The following IL1RAPL1 variants were observed in gnomAD, a reference collection of about 807,000 sequenced individuals.
The protein encoded by IL1RAPL1 is interleukin 1 receptor accessory protein like 1.
A neutral mutation model predicts 48.4 loss-of-function variants in IL1RAPL1; 3 were observed. The observed-to-expected ratio is 0.06, with a 90% CI of 0.03 to 0.16. The LOEUF (loss-of-function observed/expected upper bound fraction) is 0.16. Ranked by LOEUF, IL1RAPL1 falls within the 10% of genes least tolerant of loss-of-function variation. IL1RAPL1 has a pLI of 1.00. For synonymous variants in IL1RAPL1, 185 were observed against 187.7 expected (o/e 0.99, Z 0.12); for missense variants, 349 against 530.6 (o/e 0.66, Z 3.36).
In IL1RAPL1 at chrX:29,204,217, T is replaced by C. The variant is rs138354631; in HGVS notation, c.83-78721T>C. Reference sequence around the variant, plus strand: ...ATCTCTTCAATATACTAATCGCCTTTCTTTTGGATACATTCTCAGCAGTGG... The same window carrying C: ...ATCTCTTCAATATACTAATCGCCTTCCTTTTGGATACATTCTCAGCAGTGG... On this transcript the variant is annotated intron_variant, in intron 2 of 10. Coordinates refer to ENST00000378993, the MANE Select transcript of IL1RAPL1 (RefSeq NM_014271.4). Among the ~76,000 whole-genome samples the C allele has an allele frequency of 6.2e-3, 692 of 111,912 alleles. 1 individual carries two copies. The highest frequency in any genetic ancestry group is 0.014 in the Middle Eastern group (3 of 217).
intron 1 of IL1RAPL1, among the ~76,000 whole-genome samples, chrX:28,771,671 A>G (rs985924318): frequency 1.8e-5 from 2 of 112,169 alleles, no homozygotes; most frequent in African/African-American, 6.5e-5. Flanking sequence ...CTCAGACTTG[A>G]TATTTTGAAA....
intron 6 of IL1RAPL1, among the ~76,000 whole-genome samples, chrX:29,751,980 T>TATATAC (rs1928476351): frequency 3.9e-5 from 4 of 102,915 alleles, no homozygotes; most frequent in African/African-American, 1.4e-4. Context: ...ATATCATATA[T>TATATAC]ATGTGTGTGT....
At chrX:28,894,300 G>A (rs1477725233) in intron 2 of IL1RAPL1, among the ~76,000 whole-genome samples, 1 of 112,058 alleles carries the variant, frequency 8.9e-6, no homozygotes, top group Non-Finnish European at 1.9e-5. Context: ...AATGATAGAT[G>A]TGGAAGGTAC....
At chrX:29,430,746 C>T (rs925576843) in intron 5 of IL1RAPL1, among the ~76,000 whole-genome samples, 2 of 108,998 alleles carry the variant, frequency 1.8e-5, no homozygotes, top group Non-Finnish European at 3.8e-5. Flanking sequence ...ATTTGTATTT[C>T]GTGTGTGTAT....
chrX:29,516,413 A>G (rs1935445947), intron 5 of IL1RAPL1, among the ~76,000 whole-genome samples: 1 of 111,430 alleles, frequency 9.0e-6, no homozygotes, highest in Non-Finnish European at 1.9e-5. Context: ...CCATATTGAA[A>G]CACCTTGGAG....
chrX:28,933,143 T>G (rs1456195953), intron 2 of IL1RAPL1, among the ~76,000 whole-genome samples: 2 of 112,300 alleles, frequency 1.8e-5, no homozygotes, highest in Non-Finnish European at 1.9e-5. Flanking sequence ...ATTATATCTT[T>G]ATGTATACAC....
At chrX:29,074,236 C>G (rs1188178432) in intron 2 of IL1RAPL1, among the ~76,000 whole-genome samples, 1 of 111,298 alleles carries the variant, frequency 9.0e-6, no homozygotes, top group Non-Finnish European at 1.9e-5. Flanking sequence ...ACTTATTGAA[C>G]TCAATTCTAC....
At chrX:29,113,624 A>G (rs973097592) in intron 2 of IL1RAPL1, among the ~76,000 whole-genome samples, 1 of 111,721 alleles carries the variant, frequency 9.0e-6, no homozygotes, top group African/African-American at 3.3e-5. Flanking sequence ...ATTTATTCCT[A>G]GAGATTCTGC....
chrX:28,669,057 T>G (rs1934917391), intron 1 of IL1RAPL1, among the ~76,000 whole-genome samples: 2 of 111,562 alleles, frequency 1.8e-5, no homozygotes, highest in African/African-American at 6.5e-5. Flanking sequence ...ATGTTGAACT[T>G]ATAAAAATTG....
intron 1 of IL1RAPL1, among the ~76,000 whole-genome samples, chrX:28,704,857 T>G (rs1601866265): frequency 1.1e-5 from 1 of 87,429 alleles, no homozygotes. Flanking sequence ...AAACTGTGAC[T>G]GGAGCATGAC....
rs757980901 is a variant in IL1RAPL1, at chrX:28,798,202, T to C, written c.82+8777T>C. ...ACCATATCAATGTTTATTGTAGAGA[T>C]AGCATACAGGCATTCACTGCTAGGA... is the stretch of plus-strand genomic sequence containing the variant. On this transcript the variant is annotated intron_variant, in intron 2 of 10. Coordinates refer to ENST00000378993, the MANE Select transcript of IL1RAPL1 (RefSeq NM_014271.4). Among the ~76,000 whole-genome samples, 4 of 111,376 alleles carry C rather than the reference T, an allele frequency of 3.6e-5. No individual in the cohort carries two copies. The South Asian group carries it at 1.6e-3, about 43-fold the overall frequency.
In IL1RAPL1 at chrX:29,836,408, C is replaced by G. The variant is rs1204340919; in HGVS notation, c.779-81056C>G. ...GTTTCACCATGTTGGCCAGTATGGTCTCGATCTCCTGACCTTGTCATCCGC... is the reference window on the plus strand; with the variant it reads ...GTTTCACCATGTTGGCCAGTATGGTGTCGATCTCCTGACCTTGTCATCCGC... On this transcript the variant is annotated intron_variant, in intron 6 of 10. Transcript: ENST00000378993. 3.6e-5 allele frequency among the ~76,000 whole-genome samples: 4 copies of G among 111,120 alleles called. No individual in the cohort carries two copies. In the South Asian group the frequency reaches 1.1e-3, roughly 32 times the overall value.
At chrX:29,854,916 C>A (rs1332886304) in intron 6 of IL1RAPL1, among the ~76,000 whole-genome samples, 1 of 110,857 alleles carries the variant, frequency 9.0e-6, no homozygotes, top group African/African-American at 3.3e-5. Flanking sequence ...CACACACACA[C>A]ACAAAATTAA....
At chrX:29,842,370 T>G (rs1293374162) in intron 6 of IL1RAPL1, among the ~76,000 whole-genome samples, 1 of 111,824 alleles carries the variant, frequency 8.9e-6, no homozygotes, top group Non-Finnish European at 1.9e-5. Flanking sequence ...CCAGATATAG[T>G]TGGTGGAGAA....
chrX:29,027,942 G>C (rs918590959), intron 2 of IL1RAPL1, among the ~76,000 whole-genome samples: 1 of 109,813 alleles, frequency 9.1e-6, no homozygotes, highest in Non-Finnish European at 1.9e-5. Flanking sequence ...GTGTGTGTGT[G>C]TGTGTGTATA....
rs139621197 is a variant in IL1RAPL1 at position 29,675,248 on chromosome X, T to G, written c.778+6744T>G. On this transcript the variant is annotated intron_variant, in intron 6 of 10. Coordinates refer to ENST00000378993, the MANE Select transcript of IL1RAPL1 (RefSeq NM_014271.4). ...AAACAAATTTACAATGAAGCACTTG[T>G]TAAAGTCTTTAAAAACTGGGACAGA... Among the ~76,000 whole-genome samples the G allele has an allele frequency of 8.5e-3, 956 of 112,361 alleles. 16 individuals are homozygous for G. The highest frequency in any genetic ancestry group is 0.029 in the African/African-American group (907 of 30,945).
chrX:28,895,640 G>A (rs1258195382), intron 2 of IL1RAPL1, among the ~76,000 whole-genome samples: 1 of 111,332 alleles, frequency 9.0e-6, no homozygotes, highest in Admixed American at 9.5e-5. Context: ...TGGCACCAGA[G>A]TTGGGGAGTT....
At chrX:29,100,828 A>G (rs1046538604) in intron 2 of IL1RAPL1, among the ~76,000 whole-genome samples, 34 of 112,112 alleles carry the variant, frequency 3.0e-4, no homozygotes, top group African/African-American at 1.1e-3. Context: ...TAAGTTAGAT[A>G]ACTTATGTAA....
At position 29,901,157 on chromosome X, in the gene IL1RAPL1, T is replaced by C. The variant is rs757866878; in HGVS notation, c.779-16307T>C. 1.3e-4 allele frequency among the ~76,000 whole-genome samples: 15 copies of C among 111,765 alleles called. No individual in the cohort carries two copies. The South Asian group carries it at 2.6e-3, about 20-fold the overall frequency. ...GCATGCAGCTTTATCATAAAGGAAA[T>C]GACCAGGAAATTGCACACATCACTT... On this transcript the variant is annotated intron_variant, in intron 6 of 10. Coordinates refer to ENST00000378993, the MANE Select transcript of IL1RAPL1 (RefSeq NM_014271.4).
Sources: gnomAD v4.1 joint callset for allele counts (sites outside exome capture counted in the v4.1 genomes callset) on GRCh38, gnomAD v4.1.1 for gene constraint, MANE v1.5 for transcripts, NCBI Gene and HGNC (gene_info 2026-07-23, HGNC 2026-07-21) for gene names.